The following PAGE2B variants were observed in gnomAD, a reference collection of about 807,000 sequenced individuals.
PAGE2B encodes PAGE family member 2B.
A neutral mutation model predicts 7.6 loss-of-function variants in PAGE2B; 5 were observed. The observed-to-expected ratio is 0.66, with a 90% CI of 0.34 to 1.38. The LOEUF (loss-of-function observed/expected upper bound fraction) is 1.38, where lower values mean the gene tolerates loss of function less well. PAGE2B is among the 40% of genes most tolerant of loss of function. The pLI, the probability that PAGE2B is intolerant of heterozygous loss-of-function variation, is 0.04. For missense variants in PAGE2B, 70 were observed against 78.4 expected (o/e 0.89, Z 0.41); for synonymous variants, 29 against 26.7 (o/e 1.09, Z -0.27).
upstream of PAGE2B, among the ~76,000 whole-genome samples, chrX:55,070,704 G>T (rs1377723652): frequency 2.7e-5 from 3 of 111,496 alleles, no homozygotes; most frequent in Admixed American, 1.9e-4. Flanking sequence ...TTGCTTTATG[G>T]ATCTGGGTGC....
chrX:55,077,078 T>G (rs963571189), intron 3 of PAGE2B, among the ~76,000 whole-genome samples: 5 of 111,844 alleles, frequency 4.5e-5, no homozygotes, highest in Non-Finnish European at 7.5e-5. Flanking sequence ...CGTAATATAC[T>G]AAGTGCTGGA....
chrX:55,060,271 C>G, the PAGE2B span, among the ~76,000 whole-genome samples: 1 of 111,214 alleles, frequency 9.0e-6, no homozygotes, highest in Non-Finnish European at 1.9e-5. Flanking sequence ...CTCAATATCC[C>G]CCCAACACTT....
the PAGE2B span, among the ~76,000 whole-genome samples, chrX:55,049,993 T>C: frequency 3.6e-5 from 4 of 112,197 alleles, no homozygotes; most frequent in Admixed American, 9.5e-5. Flanking sequence ...GTCCCAGAGA[T>C]TCTGCTATGT....
the PAGE2B span, among the ~76,000 whole-genome samples, chrX:55,050,367 A>G: frequency 9.1e-6 from 1 of 109,429 alleles, no homozygotes; most frequent in African/African-American, 3.4e-5. Flanking sequence ...TATCCTTGTT[A>G]ACTTTCTGTC....
the PAGE2B span, among the ~76,000 whole-genome samples, chrX:55,030,494 G>A: frequency 9.0e-6 from 1 of 111,470 alleles, no homozygotes; most frequent in African/African-American, 3.3e-5. Flanking sequence ...GGAGTCAAAG[G>A]GAGAGAGGAA....
chrX:55,076,366 G>GTA (rs199615385), intron 2 of PAGE2B, among the ~76,000 whole-genome samples: 1,780 of 104,720 alleles, frequency 0.017, 34 homozygotes, highest in East Asian at 0.054. Flanking sequence ...ATGTATATAT[G>GTA]TATATATGTA....
the PAGE2B span, among the ~76,000 whole-genome samples, chrX:55,049,600 G>T: frequency 1.8e-5 from 2 of 111,879 alleles, no homozygotes; most frequent in African/African-American, 6.5e-5. Context: ...GCCTAGAGGT[G>T]TTTATAGTAT....
Position 55,076,112 on chromosome X carries a change from T to C in PAGE2B, c.71T>C (p.Val24Ala). 8.3e-7 allele frequency: 1 copy of C among 1,207,225 alleles called. No homozygotes were observed. The highest frequency in any genetic ancestry group is 1.8e-5 in the South Asian group (1 of 56,554). ...AATGACCAAGAGTCTTCCCAGCCAG[T>C]TGGATCTGTGATTGTGAGTCCTTTA... ...RGNDQESSQPVGSVIVQEPTE... is the reference protein window; with the variant it reads ...RGNDQESSQPAGSVIVQEPTE... The change falls in exon 2 of 5, where the codon GTT becomes GCT. Residue 24 changes from valine to alanine, a missense_variant. Coordinates refer to ENST00000374971, the MANE Select transcript of PAGE2B (RefSeq NM_001015038.3).
the PAGE2B span, among the ~76,000 whole-genome samples, chrX:55,062,546 G>C: frequency 9.0e-6 from 1 of 111,324 alleles, no homozygotes; most frequent in Non-Finnish European, 1.9e-5. Context: ...CCATTATGTG[G>C]GTTGCCGCTT....
At chrX:55,068,469 C>G in the PAGE2B span, among the ~76,000 whole-genome samples, 3 of 111,765 alleles carry the variant, frequency 2.7e-5, no homozygotes, top group Admixed American at 2.9e-4. Context: ...AGTCAGGTAG[C>G]ATGATGTCTC....
chrX:55,056,685 T>C, the PAGE2B span, among the ~76,000 whole-genome samples: 4 of 110,163 alleles, frequency 3.6e-5, no homozygotes, highest in Non-Finnish European at 7.6e-5. Flanking sequence ...CAGAGTGCAA[T>C]GTGGAGGCAG....
At chrX:55,063,701 A>G in the PAGE2B span, among the ~76,000 whole-genome samples, 1 of 111,198 alleles carries the variant, frequency 9.0e-6, no homozygotes, top group East Asian at 2.8e-4. Flanking sequence ...CCTGTTGTAT[A>G]TAGTTTTATT....
chrX:55,058,556 A>T, the PAGE2B span, among the ~76,000 whole-genome samples: 1 of 111,804 alleles, frequency 8.9e-6, no homozygotes, highest in Admixed American at 9.5e-5. Flanking sequence ...CAGAAATGTT[A>T]TTGGTACTGA....
the PAGE2B span, among the ~76,000 whole-genome samples, chrX:55,038,066 A>T: frequency 9.0e-6 from 1 of 110,561 alleles, no homozygotes; most frequent in Non-Finnish European, 1.9e-5. Flanking sequence ...AAAAATAAAA[A>T]TAAAAAAAAG....
the PAGE2B span, among the ~76,000 whole-genome samples, chrX:55,053,867 C>T: frequency 8.9e-6 from 1 of 112,218 alleles, no homozygotes; most frequent in African/African-American, 3.2e-5. Context: ...ATTAATAAAA[C>T]CCAAATTGAC....
the PAGE2B span, among the ~76,000 whole-genome samples, chrX:55,057,157 G>A: frequency 9.0e-6 from 1 of 111,012 alleles, no homozygotes; most frequent in Non-Finnish European, 1.9e-5. Context: ...TGGGAAAGGG[G>A]AGAGGGGATA....
At chrX:55,072,681 C>T (rs1449164019), upstream of PAGE2B, among the ~76,000 whole-genome samples, 2 of 112,604 alleles carry the variant, frequency 1.8e-5, no homozygotes, top group Admixed American at 1.9e-4. Context: ...CCACCTCTTC[C>T]CCCAGTTGCT....
upstream of PAGE2B, among the ~76,000 whole-genome samples, chrX:55,071,523 T>A (rs1936449054): frequency 1.8e-5 from 2 of 111,517 alleles, no homozygotes; most frequent in Non-Finnish European, 3.8e-5. Flanking sequence ...GACCATTGTG[T>A]GTCTTGGAGT....
chrX:55,076,420 G>C (rs1381621067), intron 2 of PAGE2B, 149 bp from the exon 3 acceptor site: 15 of 520,886 alleles, frequency 2.9e-5, no homozygotes, highest in Non-Finnish European at 4.3e-5. Context: ...ATGTATATAC[G>C]TATGTATGTA....
Sources: gnomAD v4.1 joint callset for allele counts (sites outside exome capture counted in the v4.1 genomes callset) on GRCh38, gnomAD v4.1.1 for gene constraint, MANE v1.5 for transcripts, NCBI Gene and HGNC (gene_info 2026-07-23, HGNC 2026-07-21) for gene names.